Variants in PRKCZ observed in about 807,000 individuals in gnomAD.
PRKCZ encodes the protein protein kinase C zeta type.
In PRKCZ, 33 loss-of-function variants were observed where a neutral mutation model predicts 79.5. That is an observed-to-expected ratio of 0.41 (90% CI 0.31 to 0.55). The LOEUF (loss-of-function observed/expected upper bound fraction) is 0.55. Ranked by LOEUF, PRKCZ falls within the 20% of genes least tolerant of loss-of-function variation. The pLI is 0.19. For synonymous variants in PRKCZ, 342 were observed against 320.9 expected, an observed-to-expected ratio of 1.07 and a Z score of -0.70; for missense variants, 578 against 813.5, an observed-to-expected ratio of 0.71 and a Z score of 3.52.
rs765433117 is a variant in PRKCZ, at chr1:2,094,061, C to T, written c.334+34470C>T. Among the ~76,000 whole-genome samples, 15 of 152,170 alleles carry T rather than the reference C, an allele frequency of 9.9e-5. No homozygotes were observed. Among genetic ancestry groups the T allele is most frequent in the Non-Finnish European group, 2.2e-4 (15 of 68,036 alleles). The stretch of plus-strand genomic sequence containing the variant: ...CTGCCAGCCCACTTTGGGTGACCCT[C>T]CTGTTTGTCCTGTCCTAGCGCAGCC... On this transcript the variant is annotated intron_variant, in intron 4 of 17. Coordinates refer to ENST00000378567, the MANE Select transcript of PRKCZ (RefSeq NM_002744.6). This position sits in a 1 kb window ranked among gnomAD's most constrained non-coding sequence, Gnocchi z 7.3.
rs758818044 is a variant in PRKCZ, at chr1:2,173,870, C to T, written c.1286-27C>T. 9 of 1,558,292 alleles carry T rather than the reference C, an allele frequency of 5.8e-6. No individual in the cohort carries two copies. The highest frequency in any genetic ancestry group is 7.8e-6 in the Non-Finnish European group (9 of 1,149,004). ...TGCTGCCGGCCCATGTGGCCCCACT[C>T]GGTGATGGCTGTGTGCTCTCCCCCA... On this transcript the variant is annotated intron_variant, in intron 13 of 17. Coordinates refer to ENST00000378567, the MANE Select transcript of PRKCZ (RefSeq NM_002744.6). The surrounding 1 kb of genome is among the most constrained non-coding windows in gnomAD (Gnocchi z 5.7).
rs577995839 is a variant in PRKCZ at position 2,127,710 on chromosome 1, T to G, written c.335-7552T>G. ...GGCGTCTCCCGCGGCTCCCGGTGGC[T>G]TTTTAGGACTCTGCGTTCGTGTTCT... On this transcript the variant is annotated intron_variant, in intron 4 of 17. Coordinates refer to ENST00000378567, the MANE Select transcript of PRKCZ (RefSeq NM_002744.6). This position sits in a 1 kb window ranked among gnomAD's most constrained non-coding sequence, Gnocchi z 5.1. Among the ~76,000 whole-genome samples, 2 of 152,236 alleles carry G rather than the reference T, an allele frequency of 1.3e-5. No homozygotes were observed. Among genetic ancestry groups the G allele is most frequent in the East Asian group, 3.9e-4 (2 of 5,168 alleles).
intron 4 of PRKCZ, chr1:2,074,687 C>G: frequency 3.5e-6 from 1 of 282,882 alleles, no homozygotes; most frequent in Non-Finnish European, 6.7e-6. Context: ...TTAATGTGCA[C>G]GGCTCACTCC....
At position 2,173,879 on chromosome 1, in the gene PRKCZ, C is replaced by T; in HGVS notation, c.1286-18C>T. The T allele has an allele frequency of 6.3e-7, 1 of 1,580,836 alleles. No individual in the cohort carries two copies. The highest frequency in any genetic ancestry group is 1.4e-5 in the African/African-American group (1 of 73,808). On this transcript the variant is annotated intron_variant, in intron 13 of 17. Coordinates refer to ENST00000378567, the MANE Select transcript of PRKCZ (RefSeq NM_002744.6). This position sits in a 1 kb window ranked among gnomAD's most constrained non-coding sequence, Gnocchi z 5.7. Reference sequence around the variant, plus strand: ...CCCATGTGGCCCCACTCGGTGATGGCTGTGTGCTCTCCCCCAGGGTTCAGC... The same window carrying T: ...CCCATGTGGCCCCACTCGGTGATGGTTGTGTGCTCTCCCCCAGGGTTCAGC...
At position 2,158,040 on chromosome 1, in the gene PRKCZ, C is replaced by T. The variant is rs116061012; in HGVS notation, c.974+1948C>T. On this transcript the variant is annotated intron_variant, in intron 10 of 17. Transcript: ENST00000378567. ...CCGCTGCACTCTTGGCTCTCCTGAC[C>T]GCAGGGTCCTGCTCTTGCCTGTGCT... Among the ~76,000 whole-genome samples, 342 of 152,232 alleles carry T rather than the reference C, an allele frequency of 2.2e-3. 1 individual carries two copies. The highest frequency in any genetic ancestry group is 7.8e-3 in the African/African-American group (325 of 41,574).
intron 4 of PRKCZ, among the ~76,000 whole-genome samples, chr1:2,078,904 G>A (rs944738734): frequency 2.7e-5 from 4 of 149,800 alleles, no homozygotes; most frequent in African/African-American, 9.9e-5. Context: ...GTGCAGTGGC[G>A]TGATTTCGGC....
chr1:2,140,546 A>G (rs1677105244), intron 5 of PRKCZ, among the ~76,000 whole-genome samples: 1 of 151,968 alleles, frequency 6.6e-6, no homozygotes, highest in African/African-American at 2.4e-5. Context: ...AATCCCAGGT[A>G]CTCGGTAGGC....
intron 4 of PRKCZ, among the ~76,000 whole-genome samples, chr1:2,063,089 G>A (rs913959339): frequency 6.6e-6 from 1 of 152,258 alleles, no homozygotes; most frequent in South Asian, 2.1e-4. Context: ...GCCATGCGTA[G>A]CCTGTGTCAC....
chr1:2,078,825 C>T (rs1662918392), intron 4 of PRKCZ, among the ~76,000 whole-genome samples: 5 of 148,202 alleles, frequency 3.4e-5, no homozygotes, highest in African/African-American at 9.9e-5. Context: ...GTCTTTCGAT[C>T]TTTTTTCTCT....
At chr1:2,154,144 G>C (rs1359585264) in intron 9 of PRKCZ, among the ~76,000 whole-genome samples, 5 of 152,210 alleles carry the variant, frequency 3.3e-5, no homozygotes, top group Non-Finnish European at 5.9e-5. Flanking sequence ...GGTGGTGGCA[G>C]GTGAGGGGTG....
In PRKCZ at chr1:2,153,995, G is replaced by C. The variant is rs186283947; in HGVS notation, c.877-2000G>C. Among the ~76,000 whole-genome samples, 16 of 152,362 alleles carry C rather than the reference G, an allele frequency of 1.1e-4. No individual in the cohort carries two copies. The East Asian group carries it at 3.1e-3, about 29-fold the overall frequency. ...TTCTGCAGCGCCAGCCCCACGCAGG[G>C]CCTTGAACTCAGCAGTGCTGTGTCC... On this transcript the variant is annotated intron_variant, in intron 9 of 17. Coordinates refer to ENST00000378567, the MANE Select transcript of PRKCZ (RefSeq NM_002744.6).
intron 4 of PRKCZ, among the ~76,000 whole-genome samples, chr1:2,122,534 T>TGGTGGTGGTTAGGGTCAC (rs1672532279): frequency 8.7e-5 from 1 of 11,434 alleles, no homozygotes; most frequent in African/African-American, 8.6e-4. Context: ...GTTAGGGTCA[T>TGGTGGTGGTTAGGGTCAC]GGTGGTGGTT....
At chr1:2,184,819 C>T in intron 17 of PRKCZ, 103 bp from the exon 18 acceptor site, 1 of 1,376,256 alleles carries the variant, frequency 7.3e-7, no homozygotes, top group East Asian at 2.4e-5. Flanking sequence ...TGTCATCTCT[C>T]CAGTGGGCGT....
chr1:2,089,720 C>G (rs957914330), intron 4 of PRKCZ, among the ~76,000 whole-genome samples: 1 of 152,124 alleles, frequency 6.6e-6, no homozygotes, highest in Non-Finnish European at 1.5e-5. Context: ...GACGTAAACA[C>G]TCAGGTCACA....
Position 2,094,736 on chromosome 1 carries a change from C to T in PRKCZ, c.334+35145C>T, listed in dbSNP as rs1373289148. 3.9e-5 allele frequency among the ~76,000 whole-genome samples: 6 copies of T among 151,994 alleles called. No individual in the cohort carries two copies. The highest frequency in any genetic ancestry group is 2.1e-4 in the South Asian group (1 of 4,828). The stretch of plus-strand genomic sequence containing the variant: ...ACCTTGGGCGCTGCCCGTTCTGAGG[C>T]GCCCGCTGTGCCCGGCTCGTTGAAC... On this transcript the variant is annotated intron_variant, in intron 4 of 17. Transcript: ENST00000378567. The surrounding 1 kb of genome is among the most constrained non-coding windows in gnomAD (Gnocchi z 7.3).
intron 4 of PRKCZ, among the ~76,000 whole-genome samples, chr1:2,099,207 C>T (rs1041121666): frequency 2.6e-5 from 4 of 152,206 alleles, no homozygotes; most frequent in African/African-American, 9.7e-5. Flanking sequence ...CACCCCCTCT[C>T]ACAAGTCGCT....
chr1:2,074,106 A>G, intron 4 of PRKCZ: 1 of 1,506,872 alleles, frequency 6.6e-7, no homozygotes. Context: ...GGCTGGTGCC[A>G]CGGCCCGGGG....
intron 4 of PRKCZ, among the ~76,000 whole-genome samples, chr1:2,085,644 C>T (rs538211643): frequency 0.024 from 3,344 of 139,878 alleles, 151 homozygotes; most frequent in African/African-American, 0.084. Context: ...GGGCTGAGGA[C>T]GTCGGGGGGC....
At chr1:2,182,890 T>C (rs2100562478) in intron 16 of PRKCZ, 1 of 152,102 alleles carries the variant, frequency 6.6e-6, no homozygotes, top group South Asian at 2.1e-4. Flanking sequence ...AATGAGTGAG[T>C]GAGCAGGAGT....
Sources: allele counts gnomAD v4.1 joint callset (sites outside exome capture counted in the v4.1 genomes callset), GRCh38; gene constraint gnomAD v4.1.1; non-coding constraint Gnocchi (gnomAD v3.1); transcripts MANE v1.5; gene names NCBI Gene and HGNC (gene_info 2026-07-23, HGNC 2026-07-21).